Variants in MAMLD1 observed in about 807,000 individuals in gnomAD.
The protein encoded by MAMLD1 is mastermind like domain containing 1.
A neutral mutation model predicts 45.0 loss-of-function variants in MAMLD1; 14 were observed. The observed-to-expected ratio is 0.31, with a 90% confidence interval of 0.21 to 0.49. MAMLD1 has a LOEUF of 0.49. Among genes scored for constraint, MAMLD1 ranks in the 20% least tolerant of loss-of-function variants. The pLI, the probability that MAMLD1 is intolerant of heterozygous loss-of-function variation, is 0.99. For missense variants in MAMLD1, 543 were observed against 603.6 expected (o/e 0.90, Z 1.05); for synonymous variants, 254 against 247.8 (o/e 1.02, Z -0.24).
intron 1 of MAMLD1, among the ~76,000 whole-genome samples, chrX:150,383,282 G>T (rs180732380): frequency 9.0e-6 from 1 of 110,795 alleles, no homozygotes; most frequent in Non-Finnish European, 1.9e-5. Flanking sequence ...AGAGAGAAAA[G>T]AAATTGCTTA....
chrX:150,375,385 A>G (rs1258478459), intron 1 of MAMLD1, among the ~76,000 whole-genome samples: 6 of 112,377 alleles, frequency 5.3e-5, no homozygotes, highest in Middle Eastern at 4.6e-3. Context: ...AGCCCTAGAA[A>G]GTAAATAGCA....
chrX:150,478,392 A>G (rs2036647413), intron 5 of MAMLD1, among the ~76,000 whole-genome samples: 1 of 111,886 alleles, frequency 8.9e-6, no homozygotes, highest in African/African-American at 3.3e-5. Context: ...GATCCACCAC[A>G]TATTTTCAAG....
At chrX:150,369,245 A>G (rs2031769394) in intron 1 of MAMLD1, among the ~76,000 whole-genome samples, 2 of 111,131 alleles carry the variant, frequency 1.8e-5, no homozygotes, top group South Asian at 7.6e-4. Context: ...CTGCCCACTA[A>G]TTAACAGAGT....
At position 150,465,657 on chromosome X, in the gene MAMLD1, G is replaced by C. The variant is rs374541064; in HGVS notation, c.171+2811G>C. Among the ~76,000 whole-genome samples the C allele has an allele frequency of 2.3e-4, 26 of 112,447 alleles. No individual in the cohort carries two copies. The South Asian group carries it at 9.6e-3, about 41-fold the overall frequency. ...CCGGGCCTGTGAGGGCTCTGGCTGGGAGTTGGGACGTCTGGGGTCCAGTGT... is the reference window on the plus strand; with the variant it reads ...CCGGGCCTGTGAGGGCTCTGGCTGGCAGTTGGGACGTCTGGGGTCCAGTGT... On this transcript the variant is annotated intron_variant, in intron 3 of 7. Transcript: ENST00000370401.
chrX:150,481,977 A>AAAG (rs1569564963), intron 5 of MAMLD1, among the ~76,000 whole-genome samples: 5 of 80,424 alleles, frequency 6.2e-5, no homozygotes, highest in East Asian at 3.9e-4. Context: ...AGAAAGAAAG[A>AAAG]AAGAAAGAAA....
At chrX:150,385,968 C>T (rs1303467013) in intron 1 of MAMLD1, among the ~76,000 whole-genome samples, 1 of 111,314 alleles carries the variant, frequency 9.0e-6, no homozygotes, top group African/African-American at 3.3e-5. Flanking sequence ...TCTTTTATGT[C>T]TTTGTCCTCA....
At chrX:150,497,275 T>C (rs993330738) in intron 5 of MAMLD1, among the ~76,000 whole-genome samples, 3 of 102,472 alleles carry the variant, frequency 2.9e-5, no homozygotes, top group African/African-American at 1.1e-4. Flanking sequence ...AATTTTTTTC[T>C]TTTTTTTCTT....
At chrX:150,484,475 A>G (rs1557407500) in intron 5 of MAMLD1, among the ~76,000 whole-genome samples, 1 of 112,381 alleles carries the variant, frequency 8.9e-6, no homozygotes. Context: ...TCAAAGCAGC[A>G]GAATGGGGTT....
At chrX:150,372,961 G>C (rs1170226378) in intron 1 of MAMLD1, among the ~76,000 whole-genome samples, 11 of 111,691 alleles carry the variant, frequency 9.8e-5, no homozygotes, top group African/African-American at 3.6e-4. Flanking sequence ...CAATAGGGCA[G>C]CCAGGGAGTC....
Position 150,421,969 on chromosome X carries a change from C to T in MAMLD1, c.-63-23485C>T, listed in dbSNP as rs782792634. Among the ~76,000 whole-genome samples the T allele has an allele frequency of 8.9e-5, 10 of 112,329 alleles. No homozygotes were observed. In the South Asian group the frequency reaches 3.7e-3, roughly 42 times the overall value. On this transcript the variant is annotated intron_variant, in intron 1 of 7. Coordinates refer to ENST00000370401, the MANE Select transcript of MAMLD1 (RefSeq NM_005491.5). The stretch of plus-strand genomic sequence containing the variant: ...CCTCCTCTGGCTGGGGAATTGTAAT[C>T]GGTGGATGACCATAGAGGAAAGCTA...
intron 5 of MAMLD1, among the ~76,000 whole-genome samples, chrX:150,489,697 C>T (rs1356571304): frequency 2.7e-5 from 3 of 109,256 alleles, no homozygotes. Context: ...AGGGTTCCCT[C>T]GATGTTTGTG....
intron 2 of MAMLD1, among the ~76,000 whole-genome samples, chrX:150,448,474 T>C (rs1325054117): frequency 8.9e-6 from 1 of 112,262 alleles, no homozygotes; most frequent in Non-Finnish European, 1.9e-5. Flanking sequence ...AACTACAAAA[T>C]GCTGAATACA....
chrX:150,509,628 G>A (rs2037842480), intron 6 of MAMLD1: 1 of 262,835 alleles, frequency 3.8e-6, no homozygotes, highest in Admixed American at 5.8e-5. Context: ...TTGTTCTTTT[G>A]GTGACCGCAT....
At chrX:150,440,821 C>A (rs1480706390) in intron 1 of MAMLD1, among the ~76,000 whole-genome samples, 1 of 103,898 alleles carries the variant, frequency 9.6e-6, no homozygotes, top group Non-Finnish European at 2.0e-5. Flanking sequence ...TATTGTTTTT[C>A]TCTCTTTAAT....
chrX:150,387,641 G>T (rs190573549), intron 1 of MAMLD1, among the ~76,000 whole-genome samples: 1 of 111,791 alleles, frequency 8.9e-6, no homozygotes, highest in Non-Finnish European at 1.9e-5. Context: ...ACCAAGGGAG[G>T]ATTGTAAAAT....
chrX:150,472,804 A>G (rs2036469814), intron 4 of MAMLD1, among the ~76,000 whole-genome samples: 1 of 111,857 alleles, frequency 8.9e-6, no homozygotes, highest in Non-Finnish European at 1.9e-5. Flanking sequence ...GAGGGTGTAA[A>G]TACCAGGAGG....
At chrX:150,431,360 C>A (rs951200109) in intron 1 of MAMLD1, among the ~76,000 whole-genome samples, 1 of 105,078 alleles carries the variant, frequency 9.5e-6, no homozygotes, top group Non-Finnish European at 1.9e-5. Flanking sequence ...GATAGACAAT[C>A]ATGTCAACTG....
intron 6 of MAMLD1, chrX:150,504,086 G>T: frequency 1.3e-6 from 1 of 753,162 alleles, no homozygotes; most frequent in Non-Finnish European, 1.6e-6. Context: ...AGTCTGGGTA[G>T]TACAGGCAGA....
chrX:150,390,779 T>C (rs782482440), intron 1 of MAMLD1, among the ~76,000 whole-genome samples: 32 of 112,598 alleles, frequency 2.8e-4, no homozygotes, highest in African/African-American at 9.0e-4. Context: ...CTTTATGTAG[T>C]TTCAAGCCTT....
Sources: gnomAD v4.1 joint callset for allele counts (sites outside exome capture counted in the v4.1 genomes callset) on GRCh38, gnomAD v4.1.1 for gene constraint, MANE v1.5 for transcripts, NCBI Gene and HGNC (gene_info 2026-07-23, HGNC 2026-07-21) for gene names.